The following DCBLD2 variants were observed in gnomAD, a reference collection of about 807,000 sequenced individuals.
DCBLD2 encodes discoidin, CUB and LCCL domain containing 2, also known as discoidin, CUB and LCCL domain-containing protein 2.
A neutral mutation model predicts 86.8 loss-of-function variants in DCBLD2; 54 were observed. The observed-to-expected ratio is 0.62, with a 90% CI of 0.50 to 0.78. The LOEUF (loss-of-function observed/expected upper bound fraction) is 0.78. DCBLD2 is among the 30% of genes least tolerant of loss of function. The probability of loss-of-function intolerance (pLI) is 0.00; values close to 1 mark genes in which losing one functional copy is unlikely to be tolerated. For synonymous variants in DCBLD2, 354 were observed against 341.3 expected, an observed-to-expected ratio of 1.04 and a Z score of -0.41; for missense variants, 908 against 954.2, an observed-to-expected ratio of 0.95 and a Z score of 0.64.
intron 3 of DCBLD2, among the ~76,000 whole-genome samples, chr3:98,834,934 T>TA (rs1163587939): frequency 6.7e-6 from 1 of 149,438 alleles, no homozygotes; most frequent in East Asian, 2.0e-4. Flanking sequence ...TCCATCCCAA[T>TA]AGGCCACCAG....
intron 3 of DCBLD2, among the ~76,000 whole-genome samples, chr3:98,844,299 C>A (rs1258328195): frequency 6.6e-6 from 1 of 151,484 alleles, no homozygotes; most frequent in Non-Finnish European, 1.5e-5. Flanking sequence ...CCAATGACAA[C>A]CACTGTTTTT....
chr3:98,869,711 G>T (rs1432110451), intron 2 of DCBLD2, among the ~76,000 whole-genome samples: 3 of 152,190 alleles, frequency 2.0e-5, no homozygotes, highest in Admixed American at 1.3e-4. Flanking sequence ...TGTTCTTGGA[G>T]TTATTTCTAA....
In DCBLD2 at chr3:98,819,315, C is replaced by T; in HGVS notation, c.974G>A (p.Ser325Asn). Residue 325 changes from serine (S) to asparagine (N), a missense_variant, in exon 8 of 16, where the codon AGT becomes AAT. Transcript: ENST00000326840. ...EWTDHTGQEN[S>N]WKPKKARLKK... The stretch of plus-strand genomic sequence containing the variant: ...CAGCCTGGCTTTTTTGGGTTTCCAA[C>T]TGTTCTCTTGCCCTGTGTGGTCAGT... 2 of 1,613,882 alleles carry T rather than the reference C, an allele frequency of 1.2e-6. No individual in the cohort carries two copies. Among genetic ancestry groups the T allele is most frequent in the South Asian group, 1.1e-5 (1 of 91,078 alleles).
intron 10 of DCBLD2, 46 bp from the exon 11 acceptor site, chr3:98,811,600 T>A: frequency 6.7e-7 from 1 of 1,503,256 alleles, no homozygotes; most frequent in Non-Finnish European, 8.9e-7. Context: ...TTTTTAAAAA[T>A]CATAATTAAA....
chr3:98,811,458 A>T lies in DCBLD2; in HGVS notation c.1450+10T>A. The T allele has an allele frequency of 7.4e-6, 12 of 1,613,566 alleles. No homozygotes were observed. The highest frequency in any genetic ancestry group is 1.1e-5 in the South Asian group (1 of 91,066). On this transcript the variant is annotated intron_variant, in intron 11 of 15. Transcript: ENST00000326840. ...GGAATATCAAATTCTCACATTAAAA[A>T]CAGGCATACCTTTGGCTATTTTTGG...
At chr3:98,820,203 AAAT>A in intron 7 of DCBLD2, 42 bp downstream of exon 7, 1 of 1,282,394 alleles carries the variant, frequency 7.8e-7, no homozygotes. Flanking sequence ...AGTGTTCAAA[AAAT>A]ATTATATAAA....
Position 98,881,360 on chromosome 3 carries a change from ATAAAG to A in DCBLD2, c.433+175_433+179del, listed in dbSNP as rs1343822876. On this transcript the variant is annotated intron_variant, in intron 2 of 15. Coordinates refer to ENST00000326840, the MANE Select transcript of DCBLD2 (RefSeq NM_080927.4). ...CAATATGTGCTTATTAGAAAAGTAA[ATAAAG>A]TAAACAGACAAGAATCTTCTCTTCC... Among the ~76,000 whole-genome samples the A allele has an allele frequency of 3.3e-5, 5 of 152,152 alleles. No homozygotes were observed. In the South Asian group the frequency reaches 6.2e-4, roughly 19 times the overall value.
At chr3:98,876,539 G>C (rs1414164714) in intron 2 of DCBLD2, among the ~76,000 whole-genome samples, 1 of 151,200 alleles carries the variant, frequency 6.6e-6, no homozygotes, top group African/African-American at 2.4e-5. Context: ...TTATCAATTG[G>C]CAAAACTTAA....
chr3:98,825,305 A>T lies in DCBLD2; in HGVS notation c.623+10T>A. The T allele has an allele frequency of 6.6e-7, 1 of 1,510,442 alleles. No individual in the cohort carries two copies. 93.6% of individuals were successfully genotyped at this position (1,510,442 alleles called of 1,614,324 possible). ...AAAAAAAAAAAAAAAAGTCACAAAT[A>T]TAATCATACCTGAACTCAGGTTCCA... On this transcript the variant is annotated intron_variant, in intron 4 of 15. Coordinates refer to ENST00000326840, the MANE Select transcript of DCBLD2 (RefSeq NM_080927.4).
At chr3:98,886,921 T>A (rs1943574487) in intron 1 of DCBLD2, among the ~76,000 whole-genome samples, 1 of 151,574 alleles carries the variant, frequency 6.6e-6, no homozygotes, top group Non-Finnish European at 1.5e-5. Context: ...TAGGCTACTC[T>A]AATTAAACTC....
At chr3:98,809,760 G>A (rs891171948) in intron 12 of DCBLD2, among the ~76,000 whole-genome samples, 14 of 152,188 alleles carry the variant, frequency 9.2e-5, no homozygotes, top group African/African-American at 3.4e-4. Context: ...GGAAACTACA[G>A]AGGCACAAAT....
Position 98,859,304 on chromosome 3 carries a change from G to A in DCBLD2, c.434-9706C>T, listed in dbSNP as rs149346153. On this transcript the variant is annotated intron_variant, in intron 2 of 15. Coordinates refer to ENST00000326840, the MANE Select transcript of DCBLD2 (RefSeq NM_080927.4). ...TGTAGACTCCACCTCTGGGGGCAGG[G>A]CATAGCCAAACAAAAGTCAGCAAAA... 5.3e-3 allele frequency among the ~76,000 whole-genome samples: 804 copies of A among 152,304 alleles called. 7 individuals are homozygous for A. Among genetic ancestry groups the A allele is most frequent in the African/African-American group, 0.018 (760 of 41,560 alleles).
chr3:98,830,587 T>C (rs1390072073), intron 3 of DCBLD2, among the ~76,000 whole-genome samples: 1 of 152,222 alleles, frequency 6.6e-6, no homozygotes, highest in African/African-American at 2.4e-5. Flanking sequence ...CTCTGTTCTA[T>C]TGGTCTACGC....
At position 98,831,736 on chromosome 3, in the gene DCBLD2, AT is replaced by A. The variant is rs550962349; in HGVS notation, c.572-6371del. 2.2e-3 allele frequency among the ~76,000 whole-genome samples: 335 copies of A among 152,136 alleles called. 3 individuals are homozygous for A. Among genetic ancestry groups the A allele is most frequent in the African/African-American group, 7.6e-3 (316 of 41,512 alleles). The stretch of plus-strand genomic sequence containing the variant: ...TCCAAAGTTATTCTGGAGCATTTCC[AT>A]GTAATTGCATGGTTTTGAGCCATTT... On this transcript the variant is annotated intron_variant, in intron 3 of 15. Coordinates refer to ENST00000326840, the MANE Select transcript of DCBLD2 (RefSeq NM_080927.4).
intron 2 of DCBLD2, among the ~76,000 whole-genome samples, chr3:98,853,536 C>T (rs1441988902): frequency 6.6e-6 from 1 of 152,154 alleles, no homozygotes; most frequent in Non-Finnish European, 1.5e-5. Flanking sequence ...TTTCATCTGT[C>T]TAGACCCTGT....
At chr3:98,819,077 A>C (rs1576161854) in intron 8 of DCBLD2, 125 bp downstream of exon 8, 1 of 946,890 alleles carries the variant, frequency 1.1e-6, no homozygotes, top group East Asian at 2.6e-5. Flanking sequence ...ACATCAGTGA[A>C]GAAAATATAA....
At chr3:98,877,104 AC>A (rs769696031) in intron 2 of DCBLD2, among the ~76,000 whole-genome samples, 2 of 152,172 alleles carry the variant, frequency 1.3e-5, no homozygotes, top group Non-Finnish European at 2.9e-5. Context: ...TCACTTATCT[AC>A]CTTTTTGTAC....
At position 98,808,124 on chromosome 3, in the gene DCBLD2, T is replaced by C. The variant is rs1238650283; in HGVS notation, c.1627A>G (p.Thr543Ala). 6.2e-7 allele frequency: 1 copy of C among 1,606,572 alleles called. No homozygotes were observed. The highest frequency in any genetic ancestry group is 8.5e-7 in the Non-Finnish European group (1 of 1,176,804). Residue 543 changes from threonine (T) to alanine (A), a missense_variant, in exon 13 of 16, where the codon ACT becomes GCT. Physicochemically the swap from Thr to Ala is moderately conservative, Grantham distance 58. Transcript: ENST00000326840. Reference protein sequence around the residue: ...LVPVLVMVLTTLILILVCAWH... With the variant: ...LVPVLVMVLTALILILVCAWH... ...GCACACACTAATATGAGAATGAGAGTAGTGAGGACCATGACCAGCACAGGG... is the reference window on the plus strand; with the variant it reads ...GCACACACTAATATGAGAATGAGAGCAGTGAGGACCATGACCAGCACAGGG...
At chr3:98,810,285 C>T (rs767455886) in intron 12 of DCBLD2, among the ~76,000 whole-genome samples, 1 of 152,274 alleles carries the variant, frequency 6.6e-6, no homozygotes, top group South Asian at 2.1e-4. Context: ...CTCTGAGAAC[C>T]CTTGATTCTC....
Sources: allele counts gnomAD v4.1 joint callset (sites outside exome capture counted in the v4.1 genomes callset), GRCh38; gene constraint gnomAD v4.1.1; transcripts MANE v1.5; gene names NCBI Gene and HGNC (gene_info 2026-07-23, HGNC 2026-07-21).